Variants in TMEFF2 observed in about 807,000 individuals in gnomAD.
TMEFF2 encodes the protein tomoregulin-2.
A neutral mutation model predicts 53.8 loss-of-function variants in TMEFF2; 28 were observed. The ratio of observed to expected loss-of-function variants is 0.52; its 90% CI spans 0.39 to 0.71. TMEFF2 has a LOEUF of 0.71. Ranked by LOEUF, TMEFF2 falls within the 30% of genes least tolerant of loss-of-function variation. The pLI is 0.00. For missense variants in TMEFF2, 353 were observed against 455.2 expected (o/e 0.78, Z 2.04); for synonymous variants, 162 against 166.3 (o/e 0.97, Z 0.20).
At chr2:192,086,624 A>G (rs1047963527) in intron 4 of TMEFF2, among the ~76,000 whole-genome samples, 5 of 152,128 alleles carry the variant, frequency 3.3e-5, no homozygotes, top group Non-Finnish European at 7.4e-5. Context: ...AGTTCATAGT[A>G]ATAATCAAAT....
intron 4 of TMEFF2, among the ~76,000 whole-genome samples, chr2:192,110,534 C>A (rs1051164934): frequency 6.6e-6 from 1 of 152,160 alleles, no homozygotes; most frequent in Non-Finnish European, 1.5e-5. Context: ...CCTTCCAAGA[C>A]AATCCTTACC....
At chr2:192,156,992 T>G (rs957377630) in intron 4 of TMEFF2, among the ~76,000 whole-genome samples, 1 of 151,994 alleles carries the variant, frequency 6.6e-6, no homozygotes. Flanking sequence ...TAACATAATT[T>G]GAGGATTAAT....
At chr2:192,150,949 A>T (rs1690371408) in intron 4 of TMEFF2, among the ~76,000 whole-genome samples, 1 of 151,858 alleles carries the variant, frequency 6.6e-6, no homozygotes, top group African/African-American at 2.4e-5. Context: ...GTCCCCACTC[A>T]AATCTCATCT....
chr2:192,100,448 C>G (rs575841230), intron 4 of TMEFF2, among the ~76,000 whole-genome samples: 2 of 152,290 alleles, frequency 1.3e-5, no homozygotes, highest in South Asian at 4.1e-4. Flanking sequence ...CTTCTGGTTA[C>G]TGCACTTAAC....
intron 5 of TMEFF2, among the ~76,000 whole-genome samples, chr2:192,009,656 TATC>T (rs1332386743): frequency 6.6e-6 from 1 of 152,110 alleles, no homozygotes; most frequent in African/African-American, 2.4e-5. Flanking sequence ...CTATAATAAA[TATC>T]ATATTTGAAT....
intron 7 of TMEFF2, among the ~76,000 whole-genome samples, chr2:191,959,759 A>G (rs1559061199): frequency 6.6e-6 from 1 of 152,216 alleles, no homozygotes; most frequent in Non-Finnish European, 1.5e-5. Flanking sequence ...GTAAAATTTG[A>G]CTAAATCTAT....
intron 7 of TMEFF2, among the ~76,000 whole-genome samples, chr2:191,972,063 G>C (rs1692658309): frequency 6.6e-6 from 1 of 152,050 alleles, no homozygotes; most frequent in Admixed American, 6.6e-5. Context: ...CAGCTATGGT[G>C]GAGAGAGGGA....
intron 4 of TMEFF2, among the ~76,000 whole-genome samples, chr2:192,086,916 A>T (rs1167570587): frequency 3.3e-5 from 5 of 152,038 alleles, no homozygotes; most frequent in Non-Finnish European, 4.4e-5. Flanking sequence ...CATTTGCTAG[A>T]TTGGATTTAA....
At chr2:192,191,143 C>G (rs1691451450) in intron 2 of TMEFF2, among the ~76,000 whole-genome samples, 1 of 152,146 alleles carries the variant, frequency 6.6e-6, no homozygotes, top group Non-Finnish European at 1.5e-5. Context: ...AATGACTATA[C>G]TAATGACACT....
intron 4 of TMEFF2, among the ~76,000 whole-genome samples, chr2:192,103,216 G>C (rs958343129): frequency 6.6e-6 from 1 of 152,034 alleles, no homozygotes; most frequent in Non-Finnish European, 1.5e-5. Flanking sequence ...CTGCTCCCAA[G>C]GAAATTCTTT....
intron 5 of TMEFF2, among the ~76,000 whole-genome samples, chr2:192,051,386 T>C (rs904182515): frequency 3.9e-5 from 6 of 152,116 alleles, no homozygotes; most frequent in African/African-American, 1.4e-4. Context: ...GGCTAAAATT[T>C]TGTGACTAAT....
At chr2:192,121,108 A>C (rs956979026) in intron 4 of TMEFF2, among the ~76,000 whole-genome samples, 5 of 130,238 alleles carry the variant, frequency 3.8e-5, no homozygotes, top group Non-Finnish European at 9.5e-5. Context: ...AAAACAAAAC[A>C]AAAGAAAACA....
chr2:192,128,703 A>T (rs1267799377), intron 4 of TMEFF2, among the ~76,000 whole-genome samples: 2 of 152,236 alleles, frequency 1.3e-5, no homozygotes, highest in Non-Finnish European at 2.9e-5. Flanking sequence ...TAAAAACAGT[A>T]TGATGAAGTC....
chr2:192,026,453 A>G (rs919401970), intron 5 of TMEFF2, among the ~76,000 whole-genome samples: 5 of 152,176 alleles, frequency 3.3e-5, no homozygotes, highest in African/African-American at 1.2e-4. Flanking sequence ...CCCTTTCACA[A>G]TATTGTGAAG....
chr2:192,086,321 G>C (rs749541217), intron 4 of TMEFF2, among the ~76,000 whole-genome samples: 2 of 152,048 alleles, frequency 1.3e-5, no homozygotes, highest in Admixed American at 6.6e-5. Context: ...AATAATATGC[G>C]TAAAGATAAC....
chr2:191,965,858 C>T (rs752194356), intron 7 of TMEFF2, among the ~76,000 whole-genome samples: 1 of 152,160 alleles, frequency 6.6e-6, no homozygotes, highest in Non-Finnish European at 1.5e-5. Context: ...TCTGGGCTCA[C>T]TGCCCCTCTG....
At chr2:192,186,765 C>G (rs1379807316) in intron 2 of TMEFF2, among the ~76,000 whole-genome samples, 1 of 152,132 alleles carries the variant, frequency 6.6e-6, no homozygotes, top group African/African-American at 2.4e-5. Context: ...GTTTTCTTCT[C>G]TCCGATCCTT....
intron 4 of TMEFF2, among the ~76,000 whole-genome samples, chr2:192,174,011 A>T (rs1186379593): frequency 1.3e-5 from 2 of 151,822 alleles, no homozygotes; most frequent in East Asian, 3.9e-4. Context: ...TTTCCTATAG[A>T]TACATATTAC....
At chr2:192,162,264 G>GAGAA (rs1419654247) in intron 4 of TMEFF2, among the ~76,000 whole-genome samples, 1 of 152,144 alleles carries the variant, frequency 6.6e-6, no homozygotes, top group African/African-American at 2.4e-5. Flanking sequence ...AAACAAATAT[G>GAGAA]AGAAACCCCT....
Sources: gnomAD v4.1 joint callset for allele counts (sites outside exome capture counted in the v4.1 genomes callset) on GRCh38, gnomAD v4.1.1 for gene constraint, MANE v1.5 for transcripts, NCBI Gene and HGNC (gene_info 2026-07-23, HGNC 2026-07-21) for gene names.